CEP112: variants seen among roughly 807,000 people sequenced by gnomAD.
The protein encoded by CEP112 is centrosomal protein of 112 kDa.
In CEP112, 127 loss-of-function variants were observed where a neutral mutation model predicts 153.0. The ratio of observed to expected loss-of-function variants is 0.83; its 90% CI spans 0.72 to 0.96. The LOEUF is 0.96. CEP112 is among the 40% of genes least tolerant of loss of function. The probability of loss-of-function intolerance (pLI) is 0.00; values close to 1 mark genes in which losing one functional copy is unlikely to be tolerated. For synonymous variants in CEP112, 358 were observed against 374.4 expected (o/e 0.96, Z 0.51); for missense variants, 1,089 against 1,101.2 (o/e 0.99, Z 0.16).
intron 17 of CEP112, among the ~76,000 whole-genome samples, chr17:65,971,641 T>C (rs975794881): frequency 2.7e-5 from 4 of 148,440 alleles, no homozygotes; most frequent in Admixed American, 6.9e-5. Flanking sequence ...TATTGCGTTA[T>C]ATTGCATGCA....
intron 8 of CEP112, among the ~76,000 whole-genome samples, chr17:66,082,093 G>A (rs1456499651): frequency 1.3e-5 from 2 of 151,994 alleles, no homozygotes; most frequent in African/African-American, 2.4e-5. Flanking sequence ...TAAATCTTTC[G>A]CCTTTTACCA....
chr17:66,174,623 T>C (rs534614715), intron 4 of CEP112, among the ~76,000 whole-genome samples: 2 of 151,986 alleles, frequency 1.3e-5, no homozygotes, highest in African/African-American at 4.8e-5. Flanking sequence ...GGAAATTTAT[T>C]TTTATTTGCA....
intron 20 of CEP112, among the ~76,000 whole-genome samples, chr17:65,852,447 C>T (rs1236088575): frequency 1.3e-5 from 1 of 77,386 alleles, no homozygotes; most frequent in African/African-American, 5.0e-5. Context: ...TTCCTTCCTT[C>T]CCTCCCTCCC....
intron 1 of CEP112, among the ~76,000 whole-genome samples, chr17:66,185,421 C>T (rs2072889005): frequency 6.6e-6 from 1 of 152,112 alleles, no homozygotes; most frequent in South Asian, 2.1e-4. Flanking sequence ...TGGGGTTTCA[C>T]CATGTTGGTC....
At chr17:66,060,151 G>A (rs980586392) in intron 11 of CEP112, among the ~76,000 whole-genome samples, 1 of 152,022 alleles carries the variant, frequency 6.6e-6, no homozygotes, top group Non-Finnish European at 1.5e-5. Flanking sequence ...GAAAGAGGGG[G>A]ACAAAGGCTG....
intron 23 of CEP112, among the ~76,000 whole-genome samples, chr17:65,696,058 T>C (rs2048337717): frequency 6.6e-6 from 1 of 152,240 alleles, no homozygotes; most frequent in East Asian, 1.9e-4. Context: ...TCTGAGTCAG[T>C]GGTCCTGGAA....
intron 16 of CEP112, among the ~76,000 whole-genome samples, chr17:66,021,517 G>T (rs2064997716): frequency 6.6e-6 from 1 of 152,224 alleles, no homozygotes; most frequent in African/African-American, 2.4e-5. Context: ...TCTGAGTGTT[G>T]CAACTGGCTC....
chr17:65,708,760 C>T (rs1012802651), intron 23 of CEP112, among the ~76,000 whole-genome samples: 1 of 152,150 alleles, frequency 6.6e-6, no homozygotes, highest in Admixed American at 6.5e-5. Flanking sequence ...AGCAATTTAA[C>T]GTAAGGCAAG....
At position 65,927,964 on chromosome 17, in the gene CEP112, T is replaced by C. The variant is rs77492500; in HGVS notation, c.1873-275A>G. ...ATAATTTAAGGCATTCTAATATTTA[T>C]TGAACAAAATTTAATTAAGCCCTTG... On this transcript the variant is annotated intron_variant, in intron 18 of 26. Coordinates refer to ENST00000535342, the MANE Select transcript of CEP112 (RefSeq NM_001199165.4). Among the ~76,000 whole-genome samples the C allele has an allele frequency of 1.8e-4, 27 of 152,294 alleles. 1 individual carries two copies. The East Asian group carries it at 4.8e-3, about 27-fold the overall frequency.
chr17:66,129,386 C>G (rs2070019767), intron 6 of CEP112, among the ~76,000 whole-genome samples: 1 of 152,138 alleles, frequency 6.6e-6, no homozygotes, highest in African/African-American at 2.4e-5. Flanking sequence ...GTTTTTAACC[C>G]AAATGGCTGT....
intron 6 of CEP112, among the ~76,000 whole-genome samples, chr17:66,106,951 C>A (rs1248187925): frequency 6.6e-6 from 1 of 151,938 alleles, no homozygotes; most frequent in African/African-American, 2.4e-5. Flanking sequence ...TCATCATGAC[C>A]AAGTAGGATT....
At chr17:65,791,825 T>TA (rs901828991) in intron 21 of CEP112, among the ~76,000 whole-genome samples, 2 of 152,048 alleles carry the variant, frequency 1.3e-5, no homozygotes, top group Admixed American at 6.6e-5. Context: ...TGGTTCCCCC[T>TA]AAAAAAACCC....
intron 6 of CEP112, among the ~76,000 whole-genome samples, chr17:66,105,670 T>C (rs1010960604): frequency 3.3e-5 from 5 of 152,076 alleles, no homozygotes; most frequent in Admixed American, 1.3e-4. Context: ...AGCGTGCACC[T>C]GTAGTCTCAG....
At chr17:65,937,601 C>T (rs1440336261) in intron 18 of CEP112, among the ~76,000 whole-genome samples, 7 of 100,396 alleles carry the variant, frequency 7.0e-5, no homozygotes, top group Non-Finnish European at 4.1e-5. Flanking sequence ...CCAGCCGCCC[C>T]GTCCGGGAGG....
chr17:66,054,943 AGCCGGG>A lies in CEP112; in HGVS notation c.1075-1070_1075-1065del, dbSNP rs557494452. Among the ~76,000 whole-genome samples the A allele has an allele frequency of 4.3e-3, 658 of 152,166 alleles. 2 individuals are homozygous for A. The highest frequency in any genetic ancestry group is 6.7e-3 in the Non-Finnish European group (458 of 68,004). ...GGCTAATTTTTTATATTTTTAGTAG[AGCCGGG>A]GTTTCACCATGTTGGTCAGCTTGGT... On this transcript the variant is annotated intron_variant, in intron 11 of 26. Coordinates refer to ENST00000535342, the MANE Select transcript of CEP112 (RefSeq NM_001199165.4).
chr17:65,953,786 G>A lies in CEP112; in HGVS notation c.1872+7677C>T, dbSNP rs552703341. On this transcript the variant is annotated intron_variant, in intron 18 of 26. Transcript: ENST00000535342. ...ACTGGGAACCACACTCCCATCCCCC[G>A]CAGCAGTAACAGCCAGCCCCACACA... 1.4e-4 allele frequency among the ~76,000 whole-genome samples: 21 copies of A among 152,184 alleles called. 1 individual carries two copies. The Middle Eastern group carries it at 0.01, about 74-fold the overall frequency.
chr17:66,121,067 T>A (rs540530643), intron 6 of CEP112, among the ~76,000 whole-genome samples: 14 of 151,920 alleles, frequency 9.2e-5, no homozygotes, highest in African/African-American at 3.4e-4. Flanking sequence ...TCGCCTGAGG[T>A]TGGGAGTTCG....
In CEP112 at chr17:65,765,094, T is replaced by C. The variant is rs553986085; in HGVS notation, c.2395-14370A>G. 4.7e-5 allele frequency among the ~76,000 whole-genome samples: 6 copies of C among 127,156 alleles called. No homozygotes were observed. In the South Asian group the frequency reaches 8.7e-4, roughly 18 times the overall value. The allele number at this position is 127,156 out of a possible 152,430, so 83.4% of individuals were successfully genotyped here. Reference sequence around the variant, plus strand: ...TCTAGTCTGCTGTTGAAGCTCTCTATTGCATTTTTAAATTTCATTCATTGA... The same window carrying C: ...TCTAGTCTGCTGTTGAAGCTCTCTACTGCATTTTTAAATTTCATTCATTGA... On this transcript the variant is annotated intron_variant, in intron 21 of 26. Transcript: ENST00000535342.
At chr17:66,010,025 G>A (rs1463685242) in intron 16 of CEP112, among the ~76,000 whole-genome samples, 1 of 152,170 alleles carries the variant, frequency 6.6e-6, no homozygotes, top group Non-Finnish European at 1.5e-5. Context: ...GATAGGAATA[G>A]TATTGAATTT....
Sources: gnomAD v4.1 joint callset for allele counts (sites outside exome capture counted in the v4.1 genomes callset) on GRCh38, gnomAD v4.1.1 for gene constraint, MANE v1.5 for transcripts, NCBI Gene and HGNC (gene_info 2026-07-23, HGNC 2026-07-21) for gene names.